The following C13orf42 variants were observed in gnomAD, a reference collection of about 807,000 sequenced individuals.
C13orf42 encodes uncharacterized protein C13orf42.
intron 1 of C13orf42, among the ~76,000 whole-genome samples, chr13:51,154,065 AC>A (rs1300942215): frequency 6.6e-6 from 1 of 152,160 alleles, no homozygotes; most frequent in Non-Finnish European, 1.5e-5. Flanking sequence ...CAACTCCGGT[AC>A]GTCACACAAG....
At chr13:51,164,432 C>T (rs575694697) in intron 1 of C13orf42, among the ~76,000 whole-genome samples, 9 of 152,234 alleles carry the variant, frequency 5.9e-5, no homozygotes, top group Admixed American at 1.3e-4. Context: ...GAAGTTGACG[C>T]GGGAGGATCA....
intron 1 of C13orf42, among the ~76,000 whole-genome samples, chr13:51,093,954 CTTGT>C (rs1195621099): frequency 9.2e-5 from 14 of 152,006 alleles, no homozygotes; most frequent in Non-Finnish European, 1.9e-4. Flanking sequence ...GGTTCACTTG[CTTGT>C]TTGTTTTGGG....
At chr13:51,087,745 C>T (rs1020398096) in intron 2 of C13orf42, among the ~76,000 whole-genome samples, 183 bp downstream of exon 2, 2 of 152,210 alleles carry the variant, frequency 1.3e-5, no homozygotes, top group African/African-American at 4.8e-5. Context: ...AAGAGATCCC[C>T]ACAGAGGATG....
rs1453209661 is a variant in C13orf42 at position 51,145,823 on chromosome 13, A to G, written n.136+26430T>C. Among the ~76,000 whole-genome samples, 4 of 152,248 alleles carry G rather than the reference A, an allele frequency of 2.6e-5. No homozygotes were observed. The East Asian group carries it at 5.8e-4, about 22-fold the overall frequency. ...AAGTTATCCCACCTTTCCAGACCGA[A>G]CCAATGTACTTCTAACATATATTGA... On this transcript the variant is annotated intron_variant and non_coding_transcript_variant, in intron 1 of 4. Transcript: ENST00000433280.
At position 51,084,304 on chromosome 13, in the gene C13orf42, G is replaced by T. The variant is rs1953098085; in HGVS notation, c.825C>A (p.Ile275=). 7.5e-6 allele frequency: 3 copies of T among 398,706 alleles called. No individual in the cohort carries two copies. Among genetic ancestry groups the T allele is most frequent in the Middle Eastern group, 1.3e-3 (2 of 1,588 alleles). The allele number at this position is 398,706 out of a possible 1,614,324, so 24.7% of individuals were successfully genotyped here. ...TATCTTCTCCTGAGAAGTTGAAAAG[G>T]ATCTGTCTGGAGCTCCCCAGGCTAG... is the stretch of plus-strand genomic sequence containing the variant. ...CKKDLGSSRQ[I]LFNFSGEDME... The change falls in exon 4 of 4, where the codon ATC becomes ATA. Residue 275 remains isoleucine (I), a synonymous_variant. Coordinates refer to ENST00000563710, the MANE Select transcript of C13orf42 (RefSeq NM_001351589.3).
chr13:51,094,386 A>G (rs888671687), intron 1 of C13orf42, among the ~76,000 whole-genome samples: 8 of 152,214 alleles, frequency 5.3e-5, no homozygotes, highest in Admixed American at 5.2e-4. Flanking sequence ...TTGCAACTCA[A>G]ACTAAAACGG....
intron 1 of C13orf42, among the ~76,000 whole-genome samples, chr13:51,136,715 A>G (rs1420738039): frequency 6.6e-6 from 1 of 152,220 alleles, no homozygotes; most frequent in Non-Finnish European, 1.5e-5. Flanking sequence ...CCAGCCCTGA[A>G]GAAGGAAAAA....
chr13:51,143,960 T>G (rs1240708636), intron 1 of C13orf42, among the ~76,000 whole-genome samples: 34 of 152,190 alleles, frequency 2.2e-4, no homozygotes, highest in Admixed American at 2.1e-3. Flanking sequence ...TTAGTGTACA[T>G]TATCAGTAAT....
rs1182151704 is a variant in C13orf42, at chr13:51,084,060, T to C, written c.*91A>G. 2.5e-6 allele frequency: 1 copy of C among 397,300 alleles called. No homozygotes were observed. The highest frequency in any genetic ancestry group is 2.1e-5 in the African/African-American group (1 of 48,626). 24.6% of individuals were successfully genotyped at this position (397,300 alleles called of 1,614,324 possible). ...TGGGTTGACTGTGTTACAATTGGCA[T>C]TTTCAACTCTACCAAATACCTCATG... On this transcript the variant is annotated 3_prime_UTR_variant, in exon 4 of 4. Transcript: ENST00000563710.
chr13:51,153,326 C>A (rs1294158247), intron 1 of C13orf42, among the ~76,000 whole-genome samples: 2 of 152,004 alleles, frequency 1.3e-5, no homozygotes, highest in Non-Finnish European at 2.9e-5. Context: ...GCATGCACCC[C>A]CTGCATGCCC....
chr13:51,141,754 C>A (rs962307254), intron 1 of C13orf42, among the ~76,000 whole-genome samples: 3 of 151,646 alleles, frequency 2.0e-5, no homozygotes, highest in Non-Finnish European at 2.9e-5. Flanking sequence ...ACCGAGATCC[C>A]ACCACTGCAC....
chr13:51,129,302 C>A (rs1273676534), intron 1 of C13orf42, among the ~76,000 whole-genome samples: 1 of 152,142 alleles, frequency 6.6e-6, no homozygotes, highest in African/African-American at 2.4e-5. Flanking sequence ...AGGCAGACCC[C>A]CGCAGCTAAT....
At chr13:51,122,224 G>A (rs1953541236) in intron 1 of C13orf42, among the ~76,000 whole-genome samples, 1 of 151,898 alleles carries the variant, frequency 6.6e-6, no homozygotes, top group Admixed American at 6.6e-5. Context: ...TATATGACCA[G>A]AATATATGAT....
chr13:51,087,979 G>A lies in C13orf42; in HGVS notation c.511C>T (p.Arg171Ter), dbSNP rs1031412960. Residue 171 changes from arginine (R) to a stop codon, truncating the protein, a stop_gained, in exon 2 of 4, where the codon CGA (arginine) becomes TGA (stop). Coordinates refer to ENST00000563710, the MANE Select transcript of C13orf42 (RefSeq NM_001351589.3). LOFTEE classifies it high-confidence loss of function. ...AGGCTGGCCTCAGCAGCCCGGGGTC[G>A]TCTCTCTGTATCCAGCTCTGCAATG... ...SIIAELDTER[R>*]PRAAEASLPN... is the part of the protein sequence containing the mutation. 3.8e-5 allele frequency: 15 copies of A among 398,910 alleles called. No homozygotes were observed. The highest frequency in any genetic ancestry group is 2.8e-4 in the East Asian group (8 of 28,080). The allele number at this position is 398,910 out of a possible 1,614,324, so 24.7% of individuals were successfully genotyped here. A position where few individuals can be genotyped will look rare whatever the true frequency, so the allele number is the denominator to read the frequency against.
chr13:51,160,341 T>A (rs190752970), intron 1 of C13orf42, among the ~76,000 whole-genome samples: 1 of 152,288 alleles, frequency 6.6e-6, no homozygotes, highest in East Asian at 1.9e-4. Context: ...AAACCCCATT[T>A]CTACTAAAAA....
At chr13:51,129,199 T>C (rs2138020051) in intron 1 of C13orf42, among the ~76,000 whole-genome samples, 1 of 152,346 alleles carries the variant, frequency 6.6e-6, no homozygotes, top group South Asian at 2.1e-4. Flanking sequence ...TCTCTTGCTG[T>C]GCAGGCAGTC....
intron 1 of C13orf42, among the ~76,000 whole-genome samples, chr13:51,108,958 G>C (rs1377690647): frequency 6.6e-6 from 1 of 152,194 alleles, no homozygotes; most frequent in Non-Finnish European, 1.5e-5. Flanking sequence ...AAGGGAGGTA[G>C]GTCCTATAAG....
rs559336562 is a variant in C13orf42, at chr13:51,119,971, T to A, written n.137-6749A>T. 3.1e-5 allele frequency among the ~76,000 whole-genome samples: 4 copies of A among 128,052 alleles called. No individual in the cohort carries two copies. The East Asian group carries it at 9.9e-4, about 32-fold the overall frequency. The allele number at this position is 128,052 out of a possible 152,430, so 84.0% of individuals were successfully genotyped here. A position where few individuals can be genotyped will look rare whatever the true frequency, so the allele number is the denominator to read the frequency against. On this transcript the variant is annotated intron_variant and non_coding_transcript_variant, in intron 1 of 4. Transcript: ENST00000433280. ...TCAAAGAGATCGGAGAATCTGGGAA[T>A]TTTTCCTTTTAAAAAAAAAAGAAAG... is the stretch of plus-strand genomic sequence containing the variant.
intron 1 of C13orf42, among the ~76,000 whole-genome samples, chr13:51,131,740 T>C (rs901182124): frequency 5.9e-5 from 9 of 152,216 alleles, no homozygotes; most frequent in Non-Finnish European, 1.2e-4. Context: ...TCAAGCCAAG[T>C]ATAATAAACC....
Sources: gnomAD v4.1 joint callset for allele counts (sites outside exome capture counted in the v4.1 genomes callset) on GRCh38, gnomAD v4.1.1 for gene constraint, MANE v1.5 for transcripts, NCBI Gene and HGNC (gene_info 2026-07-23, HGNC 2026-07-21) for gene names.